ZNF100: variants seen among roughly 807,000 people sequenced by gnomAD.
The protein encoded by ZNF100 is zinc finger protein 100, also known as zinc finger protein 100 (Y1).
Under a neutral mutation model 15.8 loss-of-function variants are expected in ZNF100, and 12 were observed. That is an observed-to-expected ratio of 0.76 (90% CI 0.49 to 1.23). The LOEUF (loss-of-function observed/expected upper bound fraction) is 1.23. Among genes scored for constraint, ZNF100 ranks in the 50% most tolerant of loss-of-function variants. The pLI is 0.00. For synonymous variants in ZNF100, 226 were observed against 214.8 expected (o/e 1.05, Z -0.45); for missense variants, 670 against 635.6 (o/e 1.05, Z -0.58).
At chr19:21,746,217 A>G (rs763580502) in intron 2 of ZNF100, among the ~76,000 whole-genome samples, 9 of 152,322 alleles carry the variant, frequency 5.9e-5, no homozygotes, top group South Asian at 4.1e-4. Context: ...TGCCCCTCCA[A>G]AAGTAAATTA....
intron 4 of ZNF100, among the ~76,000 whole-genome samples, chr19:21,742,447 T>C (rs2036132061): frequency 6.9e-6 from 1 of 145,592 alleles, no homozygotes; most frequent in African/African-American, 2.5e-5. Flanking sequence ...TGAGCTGAGA[T>C]CGCGCTATTG....
intron 4 of ZNF100, among the ~76,000 whole-genome samples, chr19:21,738,864 G>C (rs1165923346): frequency 6.6e-6 from 1 of 152,120 alleles, no homozygotes; most frequent in Admixed American, 6.6e-5. Flanking sequence ...AAAATTGCAT[G>C]AATCAGGGAG....
intron 2 of ZNF100, among the ~76,000 whole-genome samples, chr19:21,758,896 G>A (rs1157656928): frequency 6.6e-6 from 1 of 152,062 alleles, no homozygotes; most frequent in Non-Finnish European, 1.5e-5. Context: ...TCCTTTAGAC[G>A]AGAACAGAGC....
At position 21,727,498 on chromosome 19, in the gene ZNF100, G is replaced by A. The variant is rs942974310; in HGVS notation, c.814C>T (p.Arg272Trp). 5.6e-6 allele frequency: 9 copies of A among 1,608,610 alleles called. No individual in the cohort carries two copies. The highest frequency in any genetic ancestry group is 2.7e-5 in the African/African-American group (2 of 74,678). The part of the protein sequence containing the change: ...KCEECGKAFN[R>W]SSHLTTHKII... ...TTATGTGTAGTAAGGTGTGAGGACC[G>A]GTTAAATGCTTTCCCACATTCTTCA... is the stretch of plus-strand genomic sequence containing the variant. The change falls in exon 5 of 5, where the codon CGG becomes TGG. Residue 272 changes from arginine (R) to tryptophan (W), a missense_variant. Physicochemically the swap from Arg to Trp is moderately radical, Grantham distance 101 (BLOSUM62 -3). Coordinates refer to ENST00000358296, the MANE Select transcript of ZNF100 (RefSeq NM_173531.4).
intron 4 of ZNF100, among the ~76,000 whole-genome samples, chr19:21,734,807 C>CG (rs2035980163): frequency 6.6e-6 from 1 of 151,984 alleles, no homozygotes; most frequent in African/African-American, 2.4e-5. Flanking sequence ...GACAGCCAAC[C>CG]GGAAGGCCAG....
At chr19:21,766,186 T>A (rs1599413757) in intron 1 of ZNF100, among the ~76,000 whole-genome samples, 1 of 152,100 alleles carries the variant, frequency 6.6e-6, no homozygotes, top group Non-Finnish European at 1.5e-5. Flanking sequence ...GGTGATAATG[T>A]GAATTAGGAA....
intron 4 of ZNF100, among the ~76,000 whole-genome samples, chr19:21,738,040 T>C (rs911273911): frequency 7.2e-5 from 11 of 151,754 alleles, no homozygotes; most frequent in African/African-American, 2.4e-4. Flanking sequence ...CAGCTGAGGT[T>C]AGGAGTTCAA....
intron 4 of ZNF100, among the ~76,000 whole-genome samples, chr19:21,732,115 G>A (rs1382659360): frequency 2.0e-5 from 3 of 151,468 alleles, no homozygotes; most frequent in Non-Finnish European, 2.9e-5. Flanking sequence ...AGGTTGCAGC[G>A]AGCCAAGATC....
intron 4 of ZNF100, among the ~76,000 whole-genome samples, chr19:21,737,405 G>A (rs537727141): frequency 1.3e-5 from 2 of 151,866 alleles, no homozygotes; most frequent in East Asian, 3.9e-4. Flanking sequence ...CATGGTGGCT[G>A]GTGCTTATAA....
chr19:21,765,555 C>T, intron 2 of ZNF100, 139 bp downstream of exon 2: 2 of 686,152 alleles, frequency 2.9e-6, no homozygotes, highest in Non-Finnish European at 4.8e-6. Context: ...TTTTTCTGCC[C>T]CCCTTAGATG....
chr19:21,731,302 C>CTTTTTTTTTTTTTTTTTTTTTTTTTT (rs1052854047), intron 4 of ZNF100, among the ~76,000 whole-genome samples: 1 of 139,632 alleles, frequency 7.2e-6, no homozygotes. Context: ...TTTTTCTTTC[C>CTTTTTTTTTTTTTTTTTTTTTTTTTT]TTTTTTTTTT....
intron 4 of ZNF100, among the ~76,000 whole-genome samples, chr19:21,732,103 G>A (rs56319629): frequency 2.5e-4 from 38 of 152,100 alleles, no homozygotes; most frequent in Non-Finnish European, 4.1e-4. Context: ...CCCAGGAGGC[G>A]GAGGTTGCAG....
rs1405440994 is a variant in ZNF100, at chr19:21,725,464, A to G, written c.*1219T>C. On this transcript the variant is annotated 3_prime_UTR_variant, in exon 5 of 5. Transcript: ENST00000358296. ...CATTGCTTAATATTATAAGTTAACC[A>G]TAAAAGTCTCTTCACTTAGATTTTC... is the stretch of plus-strand genomic sequence containing the variant. The G allele has an allele frequency of 6.6e-6, 1 of 152,168 alleles. No homozygotes were observed. The highest frequency in any genetic ancestry group is 1.5e-5 in the Non-Finnish European group (1 of 67,992). The allele number at this position is 152,168 out of a possible 1,614,324, so 9.4% of individuals were successfully genotyped here. A position where few individuals can be genotyped will look rare whatever the true frequency, so the allele number is the denominator to read the frequency against.
chr19:21,743,910 C>A, intron 4 of ZNF100, 107 bp downstream of exon 4: 108 of 788,860 alleles, frequency 1.4e-4, no homozygotes, highest in East Asian at 4.7e-4. Flanking sequence ...ATCCCAGAAA[C>A]TATTTCCTTT....
At chr19:21,738,092 A>G (rs2036040064) in intron 4 of ZNF100, among the ~76,000 whole-genome samples, 1 of 151,818 alleles carries the variant, frequency 6.6e-6, no homozygotes, top group Admixed American at 6.6e-5. Context: ...CTCTATTAAA[A>G]ATACAAAAAT....
rs1568281071 is a variant in ZNF100, at chr19:21,722,999, G to GA, written c.*3683dup. 2 of 151,300 alleles carry GA rather than the reference G, an allele frequency of 1.3e-5. No individual in the cohort carries two copies. Among genetic ancestry groups the GA allele is most frequent in the Admixed American group, 6.6e-5 (1 of 15,178 alleles). The allele number at this position is 151,300 out of a possible 1,614,324, so 9.4% of individuals were successfully genotyped here. On this transcript the variant is annotated 3_prime_UTR_variant, in exon 5 of 5. Coordinates refer to ENST00000358296, the MANE Select transcript of ZNF100 (RefSeq NM_173531.4). ...TGTATGCTTTTATCTTAACTAATCC[G>GA]AAAGTTATATTGATAACCAAACTCT...
chr19:21,746,150 C>T (rs973314093), intron 2 of ZNF100, among the ~76,000 whole-genome samples: 7 of 152,156 alleles, frequency 4.6e-5, no homozygotes, highest in East Asian at 1.9e-4. Flanking sequence ...CATAGTAGGA[C>T]GAATTTTTAT....
At chr19:21,740,783 A>C (rs367646456) in intron 4 of ZNF100, among the ~76,000 whole-genome samples, 1 of 152,238 alleles carries the variant, frequency 6.6e-6, no homozygotes, top group African/African-American at 2.4e-5. Context: ...AACTCTGTTG[A>C]TGATGCAATG....
chr19:21,735,036 G>A (rs1010498969), intron 4 of ZNF100, among the ~76,000 whole-genome samples: 1 of 152,120 alleles, frequency 6.6e-6, no homozygotes, highest in African/African-American at 2.4e-5. Context: ...TGCTTTGCAA[G>A]AGCTCCTGAA....
Sources: allele counts gnomAD v4.1 joint callset (sites outside exome capture counted in the v4.1 genomes callset), GRCh38; gene constraint gnomAD v4.1.1; transcripts MANE v1.5; gene names NCBI Gene and HGNC (gene_info 2026-07-23, HGNC 2026-07-21).